PLCG2: variants seen among roughly 807,000 people sequenced by gnomAD.
PLCG2 encodes the protein phospholipase C gamma 2.
Under a neutral mutation model 175.6 loss-of-function variants are expected in PLCG2, and 69 were observed. That is an observed-to-expected ratio of 0.39 (90% CI 0.32 to 0.48). The LOEUF is 0.48. PLCG2 is among the 20% of genes least tolerant of loss of function. The pLI is 0.91. For synonymous variants in PLCG2, 827 were observed against 624.0 expected, an observed-to-expected ratio of 1.33 and a Z score of -4.85; for missense variants, 1,798 against 1,650.9, an observed-to-expected ratio of 1.09 and a Z score of -1.54.
intron 1 of PLCG2, among the ~76,000 whole-genome samples, chr16:81,781,504 C>G (rs1399789241): frequency 6.6e-6 from 1 of 152,022 alleles, no homozygotes; most frequent in Non-Finnish European, 1.5e-5. Context: ...TCTTTCTTTA[C>G]ATGTACAATT....
Position 81,845,441 on chromosome 16 carries a change from G to T in PLCG2, c.194-9003G>T, listed in dbSNP as rs141273259. Among the ~76,000 whole-genome samples, 14 of 152,302 alleles carry T rather than the reference G, an allele frequency of 9.2e-5. No individual in the cohort carries two copies. In the East Asian group the frequency reaches 2.7e-3, roughly 29 times the overall value. On this transcript the variant is annotated intron_variant, in intron 2 of 32. Coordinates refer to ENST00000564138, the MANE Select transcript of PLCG2 (RefSeq NM_002661.5). Reference sequence around the variant, plus strand: ...TGTGGTAAGTATCACTATCACTCCTGTTGTTCACATGAAGAAGCAGAGGCA... The same window carrying T: ...TGTGGTAAGTATCACTATCACTCCTTTTGTTCACATGAAGAAGCAGAGGCA...
intron 2 of PLCG2, among the ~76,000 whole-genome samples, chr16:81,849,342 C>G (rs544862385): frequency 6.6e-6 from 1 of 152,154 alleles, no homozygotes; most frequent in Non-Finnish European, 1.5e-5. Context: ...AGAGCAATTT[C>G]AGAAGTAGAA....
intron 22 of PLCG2, among the ~76,000 whole-genome samples, chr16:81,923,996 A>G (rs1910161983): frequency 6.6e-6 from 1 of 152,234 alleles, no homozygotes; most frequent in South Asian, 2.1e-4. Context: ...TAAATACTAA[A>G]TACTAAATAG....
At chr16:81,866,526 T>A (rs1907244877) in intron 5 of PLCG2, among the ~76,000 whole-genome samples, 1 of 75,102 alleles carries the variant, frequency 1.3e-5, no homozygotes, top group Non-Finnish European at 3.1e-5. Flanking sequence ...TCTCCCTTGC[T>A]CCCAGGATGA....
intron 2 of PLCG2, among the ~76,000 whole-genome samples, chr16:81,758,964 C>T (rs913745366): frequency 9.9e-5 from 15 of 152,254 alleles, no homozygotes; most frequent in African/African-American, 3.6e-4. Context: ...AGGCGTGAGC[C>T]ACCGCACCCG....
intron 30 of PLCG2, among the ~76,000 whole-genome samples, chr16:81,945,225 C>T (rs1455495242): frequency 6.6e-6 from 1 of 152,096 alleles, no homozygotes; most frequent in African/African-American, 2.4e-5. Context: ...GAGAAATAAG[C>T]CCAAAATCTG....
chr16:81,790,133 A>G (rs1911166146), intron 2 of PLCG2, among the ~76,000 whole-genome samples: 1 of 152,184 alleles, frequency 6.6e-6, no homozygotes, highest in African/African-American at 2.4e-5. Flanking sequence ...AGCAAATGAG[A>G]AGATGCATTG....
At chr16:81,939,741 G>C in intron 29 of PLCG2, 151 bp from the exon 30 acceptor site, 1 of 584,104 alleles carries the variant, frequency 1.7e-6, no homozygotes, top group South Asian at 2.3e-5. Context: ...GGGGAGTGAA[G>C]ATAATTATTC....
chr16:81,751,721 C>T (rs1309279332), intron 1 of PLCG2, among the ~76,000 whole-genome samples: 1 of 151,892 alleles, frequency 6.6e-6, no homozygotes. Flanking sequence ...CACTTTTTAC[C>T]CTATAAATAT....
At chr16:81,930,025 A>T (rs143814314) in intron 24 of PLCG2, among the ~76,000 whole-genome samples, 165 of 152,286 alleles carry the variant, frequency 1.1e-3, no homozygotes, top group African/African-American at 3.8e-3. Flanking sequence ...CTTTCTCTTA[A>T]TGAGCCTCAG....
intron 5 of PLCG2, among the ~76,000 whole-genome samples, chr16:81,865,717 C>G (rs1037871968): frequency 1.5e-4 from 23 of 151,250 alleles, no homozygotes; most frequent in African/African-American, 5.1e-4. Context: ...GGACGCTGGC[C>G]TCTCCCTTGC....
chr16:81,825,251 A>G (rs1904996085), intron 2 of PLCG2, among the ~76,000 whole-genome samples: 1 of 148,182 alleles, frequency 6.7e-6, no homozygotes, highest in Non-Finnish European at 1.5e-5. Context: ...TACTGCTCTA[A>G]TCTTTTAAAT....
chr16:81,956,971 T>G lies in PLCG2; in HGVS notation c.3755+92T>G, dbSNP rs538565176. The G allele has an allele frequency of 2.2e-5, 24 of 1,110,646 alleles. No homozygotes were observed. In the East Asian group the frequency reaches 5.8e-4, roughly 27 times the overall value. 68.8% of individuals were successfully genotyped at this position (1,110,646 alleles called of 1,614,324 possible). A position where few individuals can be genotyped will look rare whatever the true frequency, so the allele number is the denominator to read the frequency against. ...CGGGCCAGGCTTCTGGAAAGCCCTC[T>G]GAGTTGCTTTCTTCAGAAATCCTTG... is the stretch of plus-strand genomic sequence containing the variant. On this transcript the variant is annotated intron_variant, in intron 32 of 32. Transcript: ENST00000564138.
At chr16:81,887,363 C>T (rs1323648047) in intron 9 of PLCG2, among the ~76,000 whole-genome samples, 2 of 152,182 alleles carry the variant, frequency 1.3e-5, no homozygotes, top group East Asian at 1.9e-4. Flanking sequence ...TCATGATCCG[C>T]CCACCTCGGC....
intron 2 of PLCG2, among the ~76,000 whole-genome samples, chr16:81,813,939 G>A (rs1024724555): frequency 4.6e-5 from 7 of 152,258 alleles, no homozygotes; most frequent in Admixed American, 4.6e-4. Flanking sequence ...GATTCTACCT[G>A]TTGATGGGAA....
At chr16:81,900,434 C>A (rs559434144) in intron 13 of PLCG2, among the ~76,000 whole-genome samples, 178 bp from the exon 14 acceptor site, 2 of 152,254 alleles carry the variant, frequency 1.3e-5, no homozygotes, top group Non-Finnish European at 2.9e-5. Context: ...AGTCCCAAGA[C>A]TTGTGCCTTC....
At chr16:81,935,544 G>T (rs954362692) in intron 26 of PLCG2, 1 of 985,142 alleles carries the variant, frequency 1.0e-6, no homozygotes, top group African/African-American at 1.7e-5. Context: ...TAGAACAGAA[G>T]ACCAGCCAGA....
At chr16:81,798,061 C>G (rs1315276479) in intron 2 of PLCG2, among the ~76,000 whole-genome samples, 1 of 152,060 alleles carries the variant, frequency 6.6e-6, no homozygotes, top group East Asian at 1.9e-4. Context: ...GAACTTCTGA[C>G]CTCAAGTGAT....
chr16:81,747,264 G>T (rs1266990903), intron 1 of PLCG2, among the ~76,000 whole-genome samples: 1 of 152,204 alleles, frequency 6.6e-6, no homozygotes, highest in Non-Finnish European at 1.5e-5. Context: ...ACTGGGCGCG[G>T]TGGCTCACAC....
Sources: gnomAD v4.1 joint callset for allele counts (sites outside exome capture counted in the v4.1 genomes callset) on GRCh38, gnomAD v4.1.1 for gene constraint, MANE v1.5 for transcripts, NCBI Gene and HGNC (gene_info 2026-07-23, HGNC 2026-07-21) for gene names.